Variants in SMARCAD1 observed in about 807,000 individuals in gnomAD.
SMARCAD1 encodes the protein SNF2 related chromatin remodeling ATPase with DExD box 1, also known as SWI/SNF-related matrix-associated actin-dependent regulator of chromatin subfamily A containing DEAD/H box 1.
In SMARCAD1, 25 loss-of-function variants were observed where a neutral mutation model predicts 127.1. The ratio of observed to expected loss-of-function variants is 0.20; its 90% CI spans 0.14 to 0.27. The LOEUF (loss-of-function observed/expected upper bound fraction) is 0.27. SMARCAD1 is among the 10% of genes least tolerant of loss of function. The pLI, the probability that SMARCAD1 is intolerant of heterozygous loss-of-function variation, is 1.00. For missense variants in SMARCAD1, 807 were observed against 1,206.0 expected, an observed-to-expected ratio of 0.67 and a Z score of 4.90; for synonymous variants, 400 against 396.9, an observed-to-expected ratio of 1.01 and a Z score of -0.09.
chr4:94,289,301 G>A (rs545859944), intron 23 of SMARCAD1, among the ~76,000 whole-genome samples, 172 bp from the exon 24 acceptor site: 76 of 152,188 alleles, frequency 5.0e-4, no homozygotes, highest in African/African-American at 1.7e-3. Context: ...AGAGGAAATA[G>A]CCCTAATCTA....
At chr4:94,276,086 C>CTGTAAAAG (rs1753264595) in intron 14 of SMARCAD1, among the ~76,000 whole-genome samples, 2 of 152,024 alleles carry the variant, frequency 1.3e-5, no homozygotes, top group Non-Finnish European at 2.9e-5. Context: ...TGTGAGCCAC[C>CTGTAAAAG]GCTCCCAGCC....
Position 94,239,853 on chromosome 4 carries a change from A to G in SMARCAD1, c.605-1053A>G, listed in dbSNP as rs539177584. On this transcript the variant is annotated intron_variant, in intron 5 of 23. Transcript: ENST00000354268. ...CTCCCAAAGTGCTGGGATTACAGGC[A>G]TGAGCTGTGCACCTGGCTTCTGTTC... Among the ~76,000 whole-genome samples the G allele has an allele frequency of 7.9e-5, 12 of 152,244 alleles. No individual in the cohort carries two copies. In the East Asian group the frequency reaches 2.3e-3, roughly 29 times the overall value.
chr4:94,241,728 A>T (rs1747600590), intron 6 of SMARCAD1, among the ~76,000 whole-genome samples: 1 of 152,138 alleles, frequency 6.6e-6, no homozygotes, highest in Non-Finnish European at 1.5e-5. Context: ...CTATAATGGG[A>T]ACTCGTTGGC....
At chr4:94,253,961 A>G (rs1237120656) in intron 9 of SMARCAD1, among the ~76,000 whole-genome samples, 3 of 152,162 alleles carry the variant, frequency 2.0e-5, no homozygotes, top group African/African-American at 7.2e-5. Context: ...TCCCTAAGTT[A>G]GGGAGCAAAG....
intron 6 of SMARCAD1, among the ~76,000 whole-genome samples, chr4:94,247,245 C>T (rs572946772): frequency 2.0e-5 from 3 of 152,142 alleles, no homozygotes; most frequent in African/African-American, 7.2e-5. Flanking sequence ...TATGTCTGTT[C>T]CAACTATGAT....
chr4:94,256,795 C>T (rs1190634854), intron 9 of SMARCAD1, among the ~76,000 whole-genome samples: 1 of 151,672 alleles, frequency 6.6e-6, no homozygotes, highest in Non-Finnish European at 1.5e-5. Flanking sequence ...ACTATATATT[C>T]AGGCTTTGTT....
At chr4:94,245,264 A>C (rs1040012595) in intron 6 of SMARCAD1, among the ~76,000 whole-genome samples, 36 of 152,242 alleles carry the variant, frequency 2.4e-4, no homozygotes, top group African/African-American at 7.7e-4. Flanking sequence ...CTTGCTGCTT[A>C]TGGCTGTATG....
Position 94,275,796 on chromosome 4 carries a change from C to CTTTTATTTTATTTTATTTTATTTT in SMARCAD1, c.1809-539_1809-538insATTTTATTTTATTTTATTTTTTTT, listed in dbSNP as rs1553920714. Among the ~76,000 whole-genome samples, 76 of 85,366 alleles carry CTTTTATTTTATTTTATTTTATTTT rather than the reference C, an allele frequency of 8.9e-4. 2 individuals are homozygous for CTTTTATTTTATTTTATTTTATTTT. Among genetic ancestry groups the CTTTTATTTTATTTTATTTTATTTT allele is most frequent in the South Asian group, 5.3e-3 (11 of 2,082 alleles). 56.0% of individuals were successfully genotyped at this position (85,366 alleles called of 152,430 possible). A position where few individuals can be genotyped will look rare whatever the true frequency, so the allele number is the denominator to read the frequency against. ...TGTCCGATTGTAACATTAACATTTT[C>CTTTTATTTTATTTTATTTTATTTT]TTTTTTTTTTTTTTTTTTGAGACGG... is the stretch of plus-strand genomic sequence containing the variant. On this transcript the variant is annotated intron_variant, in intron 14 of 23. Transcript: ENST00000354268.
intron 2 of SMARCAD1, among the ~76,000 whole-genome samples, chr4:94,210,218 T>C (rs1292626590): frequency 6.6e-6 from 1 of 152,236 alleles, no homozygotes; most frequent in Non-Finnish European, 1.5e-5. Flanking sequence ...GAGATTGCTT[T>C]AGGAATTACA....
intron 23 of SMARCAD1, among the ~76,000 whole-genome samples, chr4:94,286,272 TCTC>T (rs1411106518): frequency 1.3e-5 from 2 of 152,152 alleles, no homozygotes; most frequent in Non-Finnish European, 2.9e-5. Flanking sequence ...GCCTCTTTCT[TCTC>T]TTCTATGACA....
rs1480864365 is a variant in SMARCAD1, at chr4:94,290,142, A to G, written c.*608A>G. 1.1e-5 allele frequency: 5 copies of G among 454,374 alleles called. No individual in the cohort carries two copies. Among genetic ancestry groups the G allele is most frequent in the Non-Finnish European group, 1.8e-5 (4 of 226,770 alleles). 28.1% of individuals were successfully genotyped at this position (454,374 alleles called of 1,614,324 possible). On this transcript the variant is annotated 3_prime_UTR_variant, in exon 24 of 24. Coordinates refer to ENST00000354268, the MANE Select transcript of SMARCAD1 (RefSeq NM_020159.5). ...CCTCTCAAGTACTTCTGCTGAAACA[A>G]ATTTATTTGGCTAGGCACTAAGTTG...
At chr4:94,279,377 C>T (rs531754790) in intron 19 of SMARCAD1, among the ~76,000 whole-genome samples, 23 of 152,134 alleles carry the variant, frequency 1.5e-4, no homozygotes, top group Non-Finnish European at 3.2e-4. Flanking sequence ...TGAGCTCAAG[C>T]GATTCGCCCG....
chr4:94,233,593 G>A (rs1746180987), intron 3 of SMARCAD1, among the ~76,000 whole-genome samples: 1 of 152,098 alleles, frequency 6.6e-6, no homozygotes, highest in Admixed American at 6.6e-5. Context: ...AATTTCTTAG[G>A]AGTAGCATAA....
chr4:94,266,464 C>G (rs1751746446), intron 10 of SMARCAD1, among the ~76,000 whole-genome samples: 1 of 151,958 alleles, frequency 6.6e-6, no homozygotes, highest in Admixed American at 6.6e-5. Context: ...CTTGTTGGAT[C>G]TTATCCAAAG....
In SMARCAD1 at chr4:94,278,753, CT is replaced by C. The variant is rs1753630382; in HGVS notation, c.2296+24del. On this transcript the variant is annotated intron_variant, in intron 18 of 23. Transcript: ENST00000354268. ...ACTTGGGTATAATCTGATTTTTACT[CT>C]TTTATGTGAAAAAGAATCTTGTACT... 4 of 1,608,586 alleles carry C rather than the reference CT, an allele frequency of 2.5e-6. No individual in the cohort carries two copies. The South Asian group carries it at 4.4e-5, about 18-fold the overall frequency.
At chr4:94,209,605 GTAA>G (rs1353275140) in intron 2 of SMARCAD1, among the ~76,000 whole-genome samples, 1 of 151,256 alleles carries the variant, frequency 6.6e-6, no homozygotes, top group Non-Finnish European at 1.5e-5. Context: ...CTACTTAAAT[GTAA>G]TAATGATGGC....
intron 21 of SMARCAD1, among the ~76,000 whole-genome samples, chr4:94,282,569 A>G (rs950915524): frequency 6.6e-6 from 1 of 152,178 alleles, no homozygotes; most frequent in Non-Finnish European, 1.5e-5. Context: ...TGAGCTTAGT[A>G]AAGAAGGGAT....
intron 10 of SMARCAD1, among the ~76,000 whole-genome samples, chr4:94,265,715 T>C (rs1751643595): frequency 6.6e-6 from 1 of 151,906 alleles, no homozygotes; most frequent in Non-Finnish European, 1.5e-5. Context: ...AAACTGTTAA[T>C]AGTATGATAT....
intron 2 of SMARCAD1, among the ~76,000 whole-genome samples, chr4:94,212,508 A>G (rs1198581405): frequency 6.6e-6 from 1 of 150,482 alleles, no homozygotes; most frequent in African/African-American, 2.5e-5. Context: ...TTTTTTTGAG[A>G]TGGAGTCTTG....
Sources: allele counts gnomAD v4.1 joint callset (sites outside exome capture counted in the v4.1 genomes callset), GRCh38; gene constraint gnomAD v4.1.1; transcripts MANE v1.5; gene names NCBI Gene and HGNC (gene_info 2026-07-23, HGNC 2026-07-21).